The following VEPH1 variants were observed in gnomAD, a reference collection of about 807,000 sequenced individuals.
The protein encoded by VEPH1 is ventricular zone expressed PH domain containing 1.
A neutral mutation model predicts 85.2 loss-of-function variants in VEPH1; 80 were observed. The ratio of observed to expected loss-of-function variants is 0.94; its 90% CI spans 0.78 to 1.13. The LOEUF (loss-of-function observed/expected upper bound fraction) is 1.13. Among genes scored for constraint, VEPH1 ranks in the 50% most tolerant of loss-of-function variants. VEPH1 has a pLI of 0.00. For missense variants in VEPH1, 955 were observed against 980.5 expected (o/e 0.97, Z 0.35); for synonymous variants, 297 against 348.0 (o/e 0.85, Z 1.63).
intron 11 of VEPH1, among the ~76,000 whole-genome samples, chr3:157,302,414 C>A (rs1718907121): frequency 6.6e-6 from 1 of 152,146 alleles, no homozygotes; most frequent in Non-Finnish European, 1.5e-5. Context: ...AAGGTGATAC[C>A]ATTGGGAGGG....
Position 157,304,038 on chromosome 3 carries a change from T to TATATATATACACACACACACACAC in VEPH1, c.2010+9582_2010+9583insGTGTGTGTGTGTGTGTATATATAT. ...CTTATATTTTTTATATATATATATATACACACATACTGTTACATCTTATAT... is the reference window on the plus strand; with the variant it reads ...CTTATATTTTTTATATATATATATATATATATATACACACACACACACACACACACATACTGTTACATCTTATAT... On this transcript the variant is annotated intron_variant, in intron 11 of 13. Transcript: ENST00000362010. Among the ~76,000 whole-genome samples, 11 of 96,892 alleles carry TATATATATACACACACACACACAC rather than the reference T, an allele frequency of 1.1e-4. 1 individual carries two copies. Among genetic ancestry groups the TATATATATACACACACACACACAC allele is most frequent in the Non-Finnish European group, 2.4e-4 (10 of 42,080 alleles). The allele number at this position is 96,892 out of a possible 152,430, so 63.6% of individuals were successfully genotyped here. A position where few individuals can be genotyped will look rare whatever the true frequency, so the allele number is the denominator to read the frequency against.
chr3:157,280,177 G>A (rs1715918195), intron 12 of VEPH1, among the ~76,000 whole-genome samples: 1 of 151,974 alleles, frequency 6.6e-6, no homozygotes, highest in Non-Finnish European at 1.5e-5. Flanking sequence ...AATATACTAA[G>A]TATTTTATTT....
intron 6 of VEPH1, among the ~76,000 whole-genome samples, chr3:157,409,351 T>C (rs1426864326): frequency 2.0e-5 from 3 of 152,118 alleles, no homozygotes; most frequent in African/African-American, 7.2e-5. Context: ...ATGGAGCAAA[T>C]CCTGGCATTA....
chr3:157,408,419 C>T (rs1731295256), intron 6 of VEPH1, among the ~76,000 whole-genome samples: 1 of 152,150 alleles, frequency 6.6e-6, no homozygotes. Context: ...AATAAGTAGA[C>T]AGACTTGATG....
chr3:157,375,264 T>C (rs1727959228), intron 7 of VEPH1, among the ~76,000 whole-genome samples: 2 of 152,216 alleles, frequency 1.3e-5, no homozygotes, highest in Admixed American at 6.5e-5. Context: ...GAGAAGAACT[T>C]GGCCCCCTGT....
intron 6 of VEPH1, among the ~76,000 whole-genome samples, chr3:157,402,698 C>T (rs904402233): frequency 2.0e-5 from 3 of 152,086 alleles, no homozygotes; most frequent in African/African-American, 7.2e-5. Flanking sequence ...GTTATGGAAA[C>T]ATTTATTTTC....
chr3:157,419,109 G>A (rs183858671), intron 5 of VEPH1, among the ~76,000 whole-genome samples: 11 of 152,236 alleles, frequency 7.2e-5, no homozygotes, highest in African/African-American at 2.6e-4. Context: ...AAATAGTGCT[G>A]GGAGAAGTGG....
chr3:157,497,267 C>T (rs1000581168), intron 1 of VEPH1, among the ~76,000 whole-genome samples: 6 of 152,144 alleles, frequency 3.9e-5, no homozygotes, highest in African/African-American at 1.2e-4. Context: ...CTACACTGCT[C>T]CTGGATCCTT....
At chr3:157,361,300 T>C (rs1726025023) in intron 9 of VEPH1, among the ~76,000 whole-genome samples, 1 of 152,206 alleles carries the variant, frequency 6.6e-6, no homozygotes, top group Admixed American at 6.5e-5. Context: ...CTTTTGAAAG[T>C]GTCAGATTAT....
At chr3:157,270,871 C>T (rs890699600) in intron 12 of VEPH1, among the ~76,000 whole-genome samples, 2 of 151,818 alleles carry the variant, frequency 1.3e-5, no homozygotes, top group African/African-American at 2.4e-5. Context: ...GTACAAGCCA[C>T]ATGTTACAGC....
chr3:157,296,422 T>A lies in VEPH1; in HGVS notation c.2011-9748A>T, dbSNP rs1718151298. On this transcript the variant is annotated intron_variant, in intron 11 of 13. Transcript: ENST00000362010. The stretch of plus-strand genomic sequence containing the variant: ...AAGAAAGGTTCTGCGTGTGTATGCG[T>A]GTGTGGGCTTCCTTGGTACCCCTCA... Among the ~76,000 whole-genome samples the A allele has an allele frequency of 1.3e-5, 2 of 152,202 alleles. 1 individual carries two copies. Among genetic ancestry groups the A allele is most frequent in the South Asian group, 4.1e-4 (2 of 4,832 alleles).
chr3:157,345,790 T>C (rs944593503), intron 9 of VEPH1, among the ~76,000 whole-genome samples: 1 of 152,184 alleles, frequency 6.6e-6, no homozygotes, highest in Non-Finnish European at 1.5e-5. Context: ...CAAATGTCCA[T>C]AAATGATATA....
chr3:157,370,282 G>C (rs1166409160), intron 7 of VEPH1, among the ~76,000 whole-genome samples: 1 of 152,104 alleles, frequency 6.6e-6, no homozygotes, highest in East Asian at 1.9e-4. Context: ...GCTGGCAGGG[G>C]GTGGAAAGAT....
chr3:157,441,502 T>C (rs764356476), intron 4 of VEPH1, among the ~76,000 whole-genome samples: 1 of 152,092 alleles, frequency 6.6e-6, no homozygotes, highest in Admixed American at 6.5e-5. Flanking sequence ...TCTGAGAACA[T>C]TTGGTGTATT....
chr3:157,327,112 A>C (rs750784282), intron 9 of VEPH1, among the ~76,000 whole-genome samples: 9 of 152,142 alleles, frequency 5.9e-5, no homozygotes, highest in African/African-American at 9.7e-5. Flanking sequence ...CAGATTGGCA[A>C]GGGAGACCCC....
chr3:157,353,820 C>G (rs1725143750), intron 9 of VEPH1, among the ~76,000 whole-genome samples: 1 of 152,084 alleles, frequency 6.6e-6, no homozygotes, highest in Non-Finnish European at 1.5e-5. Flanking sequence ...TCCATGGAGG[C>G]AAGGATATTT....
At chr3:157,459,995 G>C in intron 4 of VEPH1, 186 bp downstream of exon 4, 1 of 1,541,616 alleles carries the variant, frequency 6.5e-7, no homozygotes, top group Non-Finnish European at 8.7e-7. Context: ...ATCTGCCTTG[G>C]GAAGGGACAC....
Position 157,495,363 on chromosome 3 carries a change from T to A in VEPH1, c.-14A>T. ...CAGTTGATGCATGGTGAGGATGAGT[T>A]TGATCAGTTGACTTTCTACAGACCC... On this transcript the variant is annotated 5_prime_UTR_variant, in exon 2 of 14. Transcript: ENST00000362010. 1 of 1,613,076 alleles carries A rather than the reference T, an allele frequency of 6.2e-7. No individual in the cohort carries two copies.
rs1348007340 is a variant in VEPH1 at position 157,428,466 on chromosome 3, C to T, written c.552G>A (p.Val184=). Residue 184 remains valine (V), a synonymous_variant, in exon 5 of 14, where the codon GTG becomes GTA. Transcript: ENST00000362010. ...ILQGNTMLLR[V]LPAVYEKQPQ... Reference sequence around the variant, plus strand: ...GCTGCTTTTCATACACAGCAGGTAACACTCTCAACAACATGGTGTTACCTG... The same window carrying T: ...GCTGCTTTTCATACACAGCAGGTAATACTCTCAACAACATGGTGTTACCTG... 1.2e-6 allele frequency: 2 copies of T among 1,613,758 alleles called. No individual in the cohort carries two copies. The highest frequency in any genetic ancestry group is 2.7e-5 in the African/African-American group (2 of 74,924).
Sources: allele counts gnomAD v4.1 joint callset (sites outside exome capture counted in the v4.1 genomes callset), GRCh38; gene constraint gnomAD v4.1.1; transcripts MANE v1.5; gene names NCBI Gene and HGNC (gene_info 2026-07-23, HGNC 2026-07-21).